The following GLG1 variants were observed in gnomAD, a reference collection of about 807,000 sequenced individuals.
GLG1 encodes golgi glycoprotein 1, also known as Golgi apparatus protein 1.
A neutral mutation model predicts 160.5 loss-of-function variants in GLG1; 38 were observed. The ratio of observed to expected loss-of-function variants is 0.24; its 90% CI spans 0.18 to 0.31. The LOEUF (loss-of-function observed/expected upper bound fraction) is 0.31, where lower values mean the gene tolerates loss of function less well. Among genes scored for constraint, GLG1 ranks in the 10% least tolerant of loss-of-function variants. The pLI is 1.00. For missense variants in GLG1, 1,373 were observed against 1,505.2 expected, an observed-to-expected ratio of 0.91 and a Z score of 1.45; for synonymous variants, 644 against 543.4, an observed-to-expected ratio of 1.19 and a Z score of -2.57.
chr16:74,559,438 T>C (rs1397204866), intron 1 of GLG1, among the ~76,000 whole-genome samples: 1 of 148,044 alleles, frequency 6.8e-6, no homozygotes, highest in Non-Finnish European at 1.5e-5. Flanking sequence ...AGGGAGATCC[T>C]GTCTCTAGAA....
At chr16:74,498,472 T>TATATATATATATATATATATATAATA (rs1361056131) in intron 4 of GLG1, among the ~76,000 whole-genome samples, 4 of 30,744 alleles carry the variant, frequency 1.3e-4, no homozygotes, top group Non-Finnish European at 3.0e-4. Context: ...ATATATTATA[T>TATATATATATATATATATATATAATA]TTTATATATA....
At chr16:74,463,766 G>C (rs1445760544) in intron 19 of GLG1, 2 of 361,278 alleles carry the variant, frequency 5.5e-6, no homozygotes, top group African/African-American at 2.1e-5. Flanking sequence ...GCAGAGATGA[G>C]GTTTCACCAT....
At chr16:74,467,964 A>T (rs2015060182) in intron 17 of GLG1, 116 bp from the exon 18 acceptor site, 1 of 631,390 alleles carries the variant, frequency 1.6e-6, no homozygotes, top group Non-Finnish European at 2.8e-6. Flanking sequence ...TCTACATAGC[A>T]AAGTCGCCTT....
At chr16:74,600,047 A>T (rs566023216) in intron 1 of GLG1, among the ~76,000 whole-genome samples, 2 of 152,142 alleles carry the variant, frequency 1.3e-5, no homozygotes, top group East Asian at 3.9e-4. Context: ...CAAAAGCAAA[A>T]CAAAACAAAA....
intron 2 of GLG1, among the ~76,000 whole-genome samples, chr16:74,520,571 G>A (rs2017130574): frequency 6.6e-6 from 1 of 152,142 alleles, no homozygotes; most frequent in South Asian, 2.1e-4. Flanking sequence ...AGGGGGCGGT[G>A]GTTGCAGTGA....
At chr16:74,539,403 C>G in intron 1 of GLG1, among the ~76,000 whole-genome samples, 1 of 151,930 alleles carries the variant, frequency 6.6e-6, no homozygotes, top group East Asian at 1.9e-4. Flanking sequence ...AAAGGTCTCA[C>G]ATAAATATAG....
At chr16:74,462,672 T>C (rs1367147309) in intron 20 of GLG1, 42 bp from the exon 21 acceptor site, 18 of 1,597,464 alleles carry the variant, frequency 1.1e-5, no homozygotes, top group Non-Finnish European at 1.5e-5. Flanking sequence ...ACATTCCACC[T>C]GATTCACACA....
chr16:74,481,170 CAA>C (rs2015585656), intron 10 of GLG1, among the ~76,000 whole-genome samples: 1 of 152,162 alleles, frequency 6.6e-6, no homozygotes, highest in South Asian at 2.1e-4. Flanking sequence ...CAGGAAATGG[CAA>C]GATAAATAGT....
intron 1 of GLG1, among the ~76,000 whole-genome samples, chr16:74,568,263 G>C (rs1330319124): frequency 6.6e-6 from 1 of 152,164 alleles, no homozygotes; most frequent in Admixed American, 6.5e-5. Context: ...ACAGTTATAT[G>C]AGGCAAATTC....
intron 1 of GLG1, among the ~76,000 whole-genome samples, chr16:74,535,536 G>C (rs1597321113): frequency 1.3e-5 from 2 of 152,178 alleles, no homozygotes; most frequent in East Asian, 3.9e-4. Context: ...GGGCTTAACT[G>C]ATCCTCCTGC....
At position 74,606,854 on chromosome 16, in the gene GLG1, G is replaced by C. The variant is rs746542614; in HGVS notation, c.241C>G (p.Gln81Glu). The change falls in exon 1 of 26, where the codon CAG becomes GAG. Residue 81 changes from glutamine (Q) to glutamate (E), a missense_variant. Physicochemically the swap from Gln to Glu is conservative, Grantham distance 29 (BLOSUM62 2). Around this residue, in one of 4 missense-constraint regions of GLG1, gnomAD observed 322 missense variants for 254.6 expected, o/e 1.26. Coordinates refer to ENST00000422840, the MANE Select transcript of GLG1 (RefSeq NM_001145667.2). ...TGCGGCGGCTGAGGCTGCTGTTGCT[G>C]TTGCTGCTGCTGCTGTTGCTGCTGA... ...QLQQQQQQQQ[Q>E]QQQPQPPQPP... 2 of 1,598,506 alleles carry C rather than the reference G, an allele frequency of 1.3e-6. No homozygotes were observed. The highest frequency in any genetic ancestry group is 1.7e-6 in the Non-Finnish European group (2 of 1,173,506).
chr16:74,489,394 C>A (rs1002949435), intron 8 of GLG1, among the ~76,000 whole-genome samples: 2 of 151,802 alleles, frequency 1.3e-5, no homozygotes, highest in African/African-American at 4.8e-5. Flanking sequence ...TCATTTGAAC[C>A]CGGGAGGTGG....
At chr16:74,575,145 G>A (rs2018965590) in intron 1 of GLG1, among the ~76,000 whole-genome samples, 2 of 150,750 alleles carry the variant, frequency 1.3e-5, no homozygotes, top group Admixed American at 1.3e-4. Flanking sequence ...TACTCAGGAG[G>A]CTGAGGCAGG....
rs2018545678 is a variant in GLG1, at chr16:74,562,798, C to T, written c.439-30645G>A. Among the ~76,000 whole-genome samples, 2 of 152,136 alleles carry T rather than the reference C, an allele frequency of 1.3e-5. 1 individual carries two copies. The highest frequency in any genetic ancestry group is 4.1e-4 in the South Asian group (2 of 4,836). ...AGTAAAGGAAGCTTTTCATGACCCA[C>T]CCACTGAGGACATTCAAATCCTTCA... On this transcript the variant is annotated intron_variant, in intron 1 of 25. Transcript: ENST00000422840.
intron 1 of GLG1, among the ~76,000 whole-genome samples, chr16:74,537,039 G>A (rs1299544938): frequency 6.6e-6 from 1 of 152,034 alleles, no homozygotes; most frequent in East Asian, 1.9e-4. Flanking sequence ...CTCTTACTAT[G>A]GAAAACTGTA....
At chr16:74,574,837 T>A (rs143474890) in intron 1 of GLG1, among the ~76,000 whole-genome samples, 1 of 120,886 alleles carries the variant, frequency 8.3e-6, no homozygotes, top group Admixed American at 1.1e-4. Context: ...TGAGCCTAGA[T>A]TGCACCACTG....
chr16:74,534,227 C>T (rs2017622936), intron 1 of GLG1, among the ~76,000 whole-genome samples: 1 of 151,874 alleles, frequency 6.6e-6, no homozygotes, highest in African/African-American at 2.4e-5. Context: ...AGAAATCAGC[C>T]TCCATGCTGA....
At chr16:74,575,119 T>C (rs2143798457) in intron 1 of GLG1, among the ~76,000 whole-genome samples, 1 of 143,454 alleles carries the variant, frequency 7.0e-6, no homozygotes, top group South Asian at 2.2e-4. Flanking sequence ...TGATGGTGGG[T>C]GCCTGTAATC....
intron 2 of GLG1, among the ~76,000 whole-genome samples, chr16:74,527,364 C>T (rs1218646345): frequency 6.6e-6 from 1 of 151,186 alleles, no homozygotes; most frequent in Non-Finnish European, 1.5e-5. Flanking sequence ...ATTCTCACGC[C>T]TTGGCCTCCT....
Sources: allele counts gnomAD v4.1 joint callset (sites outside exome capture counted in the v4.1 genomes callset), GRCh38; gene constraint gnomAD v4.1.1; regional missense constraint gnomAD v4.1.1; transcripts MANE v1.5; gene names NCBI Gene and HGNC (gene_info 2026-07-23, HGNC 2026-07-21).